Variants in TLR6 observed in about 807,000 individuals in gnomAD.
TLR6 encodes the protein toll like receptor 6.
Under a neutral mutation model 16.1 loss-of-function variants are expected in TLR6, and 9 were observed. That is an observed-to-expected ratio of 0.56 (90% CI 0.34 to 0.98). The LOEUF (loss-of-function observed/expected upper bound fraction) is 0.98, where lower values mean the gene tolerates loss of function less well. Among genes scored for constraint, TLR6 ranks in the 50% least tolerant of loss-of-function variants. TLR6 has a pLI of 0.02. For synonymous variants in TLR6, 340 were observed against 338.6 expected (o/e 1.00, Z -0.04); for missense variants, 786 against 921.0 (o/e 0.85, Z 1.90).
At chr4:38,865,956 T>C in the TLR6 span, among the ~76,000 whole-genome samples, 1 of 151,808 alleles carries the variant, frequency 6.6e-6, no homozygotes, top group East Asian at 1.9e-4. Context: ...CTTGCCACCA[T>C]GGCAAAACCC....
At chr4:38,845,208 G>A (rs192052435) in intron 1 of TLR6, among the ~76,000 whole-genome samples, 7 of 152,062 alleles carry the variant, frequency 4.6e-5, no homozygotes, top group East Asian at 1.9e-4. Context: ...TATATTGATC[G>A]ATTGATAGAT....
upstream of TLR6, among the ~76,000 whole-genome samples, chr4:38,856,973 G>A (rs1713016740): frequency 6.6e-6 from 1 of 152,160 alleles, no homozygotes; most frequent in African/African-American, 2.4e-5. Flanking sequence ...CTGGGCTACA[G>A]ACAAAACCAG....
upstream of TLR6, among the ~76,000 whole-genome samples, chr4:38,859,555 G>A (rs981429141): frequency 1.4e-5 from 2 of 140,594 alleles, no homozygotes; most frequent in African/African-American, 5.4e-5. Context: ...AAGAGAAATA[G>A]ATTATTGGCC....
intron 1 of TLR6, among the ~76,000 whole-genome samples, chr4:38,834,238 CAAAA>C (rs1307822805): frequency 6.5e-5 from 7 of 107,468 alleles, no homozygotes; most frequent in Admixed American, 2.1e-4. Flanking sequence ...AACTCCAGCT[CAAAA>C]AAAAAATATA....
Position 38,847,414 on chromosome 4 carries a change from C to A in TLR6, c.-65+9347G>T, listed in dbSNP as rs1211877453. 2.0e-5 allele frequency among the ~76,000 whole-genome samples: 3 copies of A among 152,104 alleles called. No homozygotes were observed. The East Asian group carries it at 5.8e-4, about 29-fold the overall frequency. ...CAGCTGAGGTACCGGGTTCATCTCACTGGGGCCCGTCGGACAGTGGGGGCA... is the reference window on the plus strand; with the variant it reads ...CAGCTGAGGTACCGGGTTCATCTCAATGGGGCCCGTCGGACAGTGGGGGCA... On this transcript the variant is annotated intron_variant, in intron 1 of 1. Transcript: ENST00000436693.
At chr4:38,834,515 G>A (rs1056049313) in intron 1 of TLR6, among the ~76,000 whole-genome samples, 2 of 151,946 alleles carry the variant, frequency 1.3e-5, no homozygotes, top group Non-Finnish European at 2.9e-5. Flanking sequence ...CTTACAAGAG[G>A]TATAGACATC....
chr4:38,826,939 T>C (rs2109402893), exon 2 of TLR6: 2 of 695,794 alleles, frequency 2.9e-6, no homozygotes, highest in East Asian at 5.5e-5. Flanking sequence ...CTAGCTCAGT[T>C]CCCCAGATGA....
At chr4:38,854,677 A>G (rs1712899039) in intron 1 of TLR6, among the ~76,000 whole-genome samples, 1 of 152,214 alleles carries the variant, frequency 6.6e-6, no homozygotes, top group Non-Finnish European at 1.5e-5. Flanking sequence ...GGTAATTTAC[A>G]TAAATTTCTT....
intron 1 of TLR6, among the ~76,000 whole-genome samples, chr4:38,836,813 A>T (rs887090332): frequency 6.6e-6 from 1 of 151,912 alleles, no homozygotes; most frequent in Non-Finnish European, 1.5e-5. Context: ...GTTGGCAGAC[A>T]CCTGGAATCC....
intron 1 of TLR6, among the ~76,000 whole-genome samples, chr4:38,831,023 C>A (rs1177981920): frequency 9.8e-6 from 1 of 102,502 alleles, no homozygotes; most frequent in Non-Finnish European, 2.0e-5. Flanking sequence ...ATTGTTCATT[C>A]ACAGGAAAAA....
chr4:38,834,818 TA>T (rs1711822794), intron 1 of TLR6, among the ~76,000 whole-genome samples: 1 of 152,122 alleles, frequency 6.6e-6, no homozygotes, highest in Non-Finnish European at 1.5e-5. Context: ...GAAGAAGAAA[TA>T]TTCTTTCCCA....
intron 1 of TLR6, among the ~76,000 whole-genome samples, chr4:38,838,348 A>G (rs1295615008): frequency 6.6e-6 from 1 of 152,230 alleles, no homozygotes; most frequent in Non-Finnish European, 1.5e-5. Flanking sequence ...TCAACTTAAC[A>G]GTCCATCAAC....
At chr4:38,829,390 G>A in exon 2 of TLR6, 1 of 1,614,044 alleles carries the variant, frequency 6.2e-7, no homozygotes, top group Non-Finnish European at 8.5e-7. Flanking sequence ...TTCCGTCGGA[G>A]AACTGGATTC....
chr4:38,846,088 C>CAAA (rs10713614), intron 1 of TLR6, among the ~76,000 whole-genome samples: 3 of 97,034 alleles, frequency 3.1e-5, no homozygotes, highest in East Asian at 3.1e-4. Context: ...CGAGACATCT[C>CAAA]AAAAAAAAAA....
chr4:38,837,810 C>G (rs1712010872), intron 1 of TLR6, among the ~76,000 whole-genome samples: 1 of 152,096 alleles, frequency 6.6e-6, no homozygotes, highest in South Asian at 2.1e-4. Flanking sequence ...GAATAGATAA[C>G]AGGGTTAAAT....
chr4:38,851,829 CAT>C (rs1239638035), intron 1 of TLR6, among the ~76,000 whole-genome samples: 1 of 152,120 alleles, frequency 6.6e-6, no homozygotes, highest in African/African-American at 2.4e-5. Context: ...GATTCAATGC[CAT>C]CCCCATCAAG....
chr4:38,841,661 AG>A (rs1322000948), intron 1 of TLR6, among the ~76,000 whole-genome samples: 3 of 152,260 alleles, frequency 2.0e-5, no homozygotes, highest in Non-Finnish European at 2.9e-5. Flanking sequence ...TCAAGCTCTC[AG>A]CTCTCTGGGC....
intron 1 of TLR6, among the ~76,000 whole-genome samples, chr4:38,830,012 T>C (rs1727750456): frequency 6.6e-6 from 1 of 152,218 alleles, no homozygotes; most frequent in Admixed American, 6.5e-5. Context: ...AGGAAATCTC[T>C]GTATATACCA....
intron 1 of TLR6, among the ~76,000 whole-genome samples, chr4:38,844,907 A>C (rs1712453290): frequency 6.6e-6 from 1 of 152,096 alleles, no homozygotes; most frequent in Admixed American, 6.5e-5. Flanking sequence ...AACAAAAAAA[A>C]AATTAGCCAG....
Sources: gnomAD v4.1 joint callset for allele counts (sites outside exome capture counted in the v4.1 genomes callset) on GRCh38, gnomAD v4.1.1 for gene constraint, MANE v1.5 for transcripts, NCBI Gene and HGNC (gene_info 2026-07-23, HGNC 2026-07-21) for gene names.